Variants in GLT8D2 observed in about 807,000 individuals in gnomAD.
GLT8D2 encodes glycosyltransferase 8 domain-containing protein 2.
GLT8D2 carries 45 observed loss-of-function variants against 44.5 expected under a neutral mutation model. The ratio of observed to expected loss-of-function variants is 1.01; its 90% confidence interval spans 0.80 to 1.30. The LOEUF (loss-of-function observed/expected upper bound fraction) is 1.30. GLT8D2 is among the 50% of genes most tolerant of loss of function. The pLI, the probability that GLT8D2 is intolerant of heterozygous loss-of-function variation, is 0.00. For missense variants in GLT8D2, 400 were observed against 430.4 expected, an observed-to-expected ratio of 0.93 and a Z score of 0.62; for synonymous variants, 156 against 157.2, an observed-to-expected ratio of 0.99 and a Z score of 0.06.
chr12:104,037,275 C>T (rs563525227), intron 1 of GLT8D2, among the ~76,000 whole-genome samples: 34 of 152,256 alleles, frequency 2.2e-4, no homozygotes, highest in Admixed American at 2.2e-3. Context: ...AGAGCAAACA[C>T]ATTCAAAAGC....
intron 5 of GLT8D2, among the ~76,000 whole-genome samples, chr12:104,000,978 A>G (rs191688545): frequency 2.0e-5 from 3 of 152,284 alleles, no homozygotes; most frequent in African/African-American, 7.2e-5. Context: ...ATACTGAAAC[A>G]CCCTGAACTT....
chr12:104,058,617 G>C lies in GLT8D2; in HGVS notation c.-423+5332C>G, dbSNP rs117828713. 3.6e-4 allele frequency among the ~76,000 whole-genome samples: 55 copies of C among 152,240 alleles called. No individual in the cohort carries two copies. The East Asian group carries it at 0.01, about 28-fold the overall frequency. ...GAGGTTCAAAGAGGATAAATAATTT[G>C]ACCAAGGCCATACAACTAGTTAAGT... On this transcript the variant is annotated intron_variant, in intron 1 of 10. Coordinates refer to the GLT8D2 transcript ENST00000548660.
At chr12:104,017,256 C>A (rs1158003774) in intron 3 of GLT8D2, among the ~76,000 whole-genome samples, 2 of 151,534 alleles carry the variant, frequency 1.3e-5, no homozygotes, top group Non-Finnish European at 2.9e-5. Flanking sequence ...ATTCTGTTTT[C>A]ATTTGCAGTA....
upstream of GLT8D2, among the ~76,000 whole-genome samples, chr12:104,050,442 A>C (rs1881603658): frequency 6.6e-6 from 1 of 152,194 alleles, no homozygotes; most frequent in African/African-American, 2.4e-5. Flanking sequence ...CTTCTCCTGA[A>C]ATCTCCTAGT....
intron 1 of GLT8D2, among the ~76,000 whole-genome samples, chr12:104,061,708 G>C (rs1209328242): frequency 1.3e-5 from 2 of 152,080 alleles, no homozygotes; most frequent in Admixed American, 6.5e-5. Context: ...CAGGCGCAGT[G>C]GTTCATGCCT....
At chr12:104,063,952 T>C (rs1031246991) in exon 1 of GLT8D2, 1 of 152,334 alleles carries the variant, frequency 6.6e-6, no homozygotes, top group Non-Finnish European at 1.5e-5. Context: ...AAAATACCTC[T>C]TGTGGCTCAC....
intron 6 of GLT8D2, 70 bp downstream of exon 6, chr12:103,999,327 A>T (rs1445153893): frequency 5.0e-6 from 4 of 796,100 alleles, no homozygotes; most frequent in Admixed American, 2.1e-5. Context: ...CATCCCGGTG[A>T]CTAGCACTCC....
intron 1 of GLT8D2, among the ~76,000 whole-genome samples, chr12:104,039,076 A>G (rs1481694094): frequency 4.0e-5 from 6 of 151,868 alleles, no homozygotes; most frequent in Non-Finnish European, 4.4e-5. Context: ...TGGTGATGGG[A>G]AAACTGGCTA....
chr12:104,007,933 A>G (rs1593537756), intron 4 of GLT8D2, among the ~76,000 whole-genome samples: 1 of 152,208 alleles, frequency 6.6e-6, no homozygotes, highest in East Asian at 1.9e-4. Context: ...TGCTGCTGCC[A>G]TGTAAGAAGT....
intron 1 of GLT8D2, among the ~76,000 whole-genome samples, chr12:104,032,700 T>G (rs73390459): frequency 0.013 from 2,026 of 152,204 alleles, 43 homozygotes; most frequent in African/African-American, 0.046. Flanking sequence ...GGAACCCTTG[T>G]ACATTGCTAG....
At position 104,015,448 on chromosome 12, in the gene GLT8D2, C is replaced by T. The variant is rs548088914; in HGVS notation, c.20-343G>A. 8.5e-5 allele frequency among the ~76,000 whole-genome samples: 11 copies of T among 129,566 alleles called. No homozygotes were observed. In the East Asian group the frequency reaches 1.0e-3, roughly 12 times the overall value. 85.0% of individuals were successfully genotyped at this position (129,566 alleles called of 152,430 possible). ...CACACACACACACAAATTAGCTGGG[C>T]GTGGTGGCATGCACCTGTAGTCTCA... On this transcript the variant is annotated intron_variant, in intron 3 of 10. Transcript: ENST00000360814.
intron 1 of GLT8D2, chr12:104,049,390 C>T (rs1012837472): frequency 2.0e-5 from 3 of 152,092 alleles, no homozygotes; most frequent in Non-Finnish European, 2.9e-5. Flanking sequence ...TCAACCCAAA[C>T]ACCACGACTA....
At chr12:104,046,256 T>C (rs1881138455) in intron 1 of GLT8D2, among the ~76,000 whole-genome samples, 1 of 152,034 alleles carries the variant, frequency 6.6e-6, no homozygotes, top group African/African-American at 2.4e-5. Context: ...TACATAAGTA[T>C]TAACTATTAT....
chr12:103,997,274 C>T (rs1158911301), intron 7 of GLT8D2, among the ~76,000 whole-genome samples, 177 bp downstream of exon 7: 2 of 152,192 alleles, frequency 1.3e-5, no homozygotes, highest in East Asian at 3.8e-4. Flanking sequence ...TGGATTGTCT[C>T]AGTAAGTATC....
intron 4 of GLT8D2, among the ~76,000 whole-genome samples, chr12:104,006,043 C>G (rs1160745956): frequency 6.6e-6 from 1 of 152,158 alleles, no homozygotes; most frequent in Non-Finnish European, 1.5e-5. Context: ...CCATGGAACA[C>G]TATGCAGCCA....
At chr12:104,003,070 G>A in intron 5 of GLT8D2, 65 bp downstream of exon 5, 1 of 1,276,180 alleles carries the variant, frequency 7.8e-7, no homozygotes, top group South Asian at 1.3e-5. Flanking sequence ...TAGGGAGGGA[G>A]GGAGGGAGGG....
chr12:104,043,429 CATA>C (rs1566212297), intron 1 of GLT8D2, among the ~76,000 whole-genome samples: 1 of 152,140 alleles, frequency 6.6e-6, no homozygotes, highest in African/African-American at 2.4e-5. Context: ...ATGCCCTTCC[CATA>C]ATCTTCCCCA....
intron 1 of GLT8D2, among the ~76,000 whole-genome samples, chr12:104,022,973 A>G (rs1227634196): frequency 6.6e-6 from 1 of 152,224 alleles, no homozygotes; most frequent in African/African-American, 2.4e-5. Flanking sequence ...TTCTTTTAAC[A>G]AAAGAGACCA....
At chr12:104,005,061 C>T (rs1299934888) in intron 4 of GLT8D2, among the ~76,000 whole-genome samples, 1 of 152,072 alleles carries the variant, frequency 6.6e-6, no homozygotes, top group Non-Finnish European at 1.5e-5. Flanking sequence ...AGAACAGAGG[C>T]CCCAGAAATA....
Sources: gnomAD v4.1 joint callset for allele counts (sites outside exome capture counted in the v4.1 genomes callset) on GRCh38, gnomAD v4.1.1 for gene constraint, MANE v1.5 for transcripts, NCBI Gene and HGNC (gene_info 2026-07-23, HGNC 2026-07-21) for gene names.